Variants in MLIP observed in about 807,000 individuals in gnomAD.
MLIP encodes the protein muscular LMNA interacting protein.
In MLIP, 79 loss-of-function variants were observed where a neutral mutation model predicts 84.8. The observed-to-expected ratio is 0.93, with a 90% CI of 0.78 to 1.12. The LOEUF is 1.12. MLIP is among the 50% of genes most tolerant of loss of function. MLIP has a pLI of 0.00. For missense variants in MLIP, 1,257 were observed against 1,160.6 expected (o/e 1.08, Z -1.21); for synonymous variants, 504 against 463.0 (o/e 1.09, Z -1.14).
intron 11 of MLIP, among the ~76,000 whole-genome samples, chr6:54,224,019 A>G (rs1430575570): frequency 1.3e-5 from 2 of 152,042 alleles, no homozygotes; most frequent in Non-Finnish European, 2.9e-5. Context: ...AAATTTAAAA[A>G]CAAAAATAAA....
chr6:54,214,883 G>A (rs1019170720), intron 11 of MLIP, among the ~76,000 whole-genome samples: 1 of 152,132 alleles, frequency 6.6e-6, no homozygotes, highest in Non-Finnish European at 1.5e-5. Flanking sequence ...ATGCTGAATG[G>A]TGTTGCTACT....
At chr6:54,216,981 A>T (rs1779896015) in intron 11 of MLIP, 6 of 985,434 alleles carry the variant, frequency 6.1e-6, no homozygotes, top group Non-Finnish European at 6.0e-6. Context: ...TTAAATTAAA[A>T]CTGTAGCAAA....
intron 11 of MLIP, among the ~76,000 whole-genome samples, chr6:54,225,916 G>A (rs887026261): frequency 6.6e-6 from 1 of 152,158 alleles, no homozygotes; most frequent in Admixed American, 6.5e-5. Flanking sequence ...AGGAGACACA[G>A]CAATAAAATT....
At chr6:54,130,455 G>A (rs1390670632) in intron 3 of MLIP, among the ~76,000 whole-genome samples, 2 of 152,220 alleles carry the variant, frequency 1.3e-5, no homozygotes, top group East Asian at 1.9e-4. Context: ...ATAAGAGGGG[G>A]CAATTGCTGA....
chr6:54,120,644 T>C (rs938281693), intron 1 of MLIP, among the ~76,000 whole-genome samples: 50 of 152,194 alleles, frequency 3.3e-4, no homozygotes, highest in Non-Finnish European at 6.3e-4. Context: ...CTTGATACAC[T>C]CTCCACTGCT....
intron 1 of MLIP, among the ~76,000 whole-genome samples, chr6:54,083,810 A>C (rs1197874513): frequency 6.6e-6 from 1 of 152,182 alleles, no homozygotes; most frequent in Non-Finnish European, 1.5e-5. Flanking sequence ...TAGCATGCTC[A>C]ACTTTAGAAT....
At chr6:54,083,391 C>A in intron 1 of MLIP, 1 of 1,324,960 alleles carries the variant, frequency 7.5e-7, no homozygotes, top group Non-Finnish European at 1.0e-6. Context: ...TATTTCCAGT[C>A]CAGAGTTGTT....
In MLIP at chr6:54,208,212, A is replaced by G. The variant is rs529046603; in HGVS notation, c.2718+5979A>G. On this transcript the variant is annotated intron_variant, in intron 11 of 13. Coordinates refer to ENST00000502396, the MANE Select transcript of MLIP (RefSeq NM_001281747.2). ...AGGTATTAAACAACAACATTTCAAA[A>G]GAGAGAGAGGATATCTATGTAAAAA... is the stretch of plus-strand genomic sequence containing the variant. Among the ~76,000 whole-genome samples the G allele has an allele frequency of 1.6e-3, 250 of 152,368 alleles. 2 individuals carry two copies. Among genetic ancestry groups the G allele is most frequent in the African/African-American group, 5.7e-3 (239 of 41,594 alleles).
chr6:54,209,236 CCTTT>C (rs1193738380), intron 11 of MLIP, among the ~76,000 whole-genome samples: 6 of 152,130 alleles, frequency 3.9e-5, no homozygotes, highest in African/African-American at 1.4e-4. Context: ...ACCTTCTCTT[CCTTT>C]CTGTGACCCA....
intron 4 of MLIP, among the ~76,000 whole-genome samples, chr6:54,140,148 C>A (rs954423651): frequency 1.3e-5 from 2 of 152,104 alleles, no homozygotes; most frequent in African/African-American, 2.4e-5. Context: ...CATTAACTAT[C>A]ATTTTTTGAA....
chr6:54,238,717 G>A (rs902292902), intron 12 of MLIP, among the ~76,000 whole-genome samples: 4 of 152,152 alleles, frequency 2.6e-5, no homozygotes, highest in Non-Finnish European at 4.4e-5. Flanking sequence ...GAAAACTTGA[G>A]AGGTTTTACA....
chr6:54,028,645 T>C (rs2025660), intron 1 of MLIP, among the ~76,000 whole-genome samples: 38,544 of 152,170 alleles, frequency 0.25, 5,490 homozygotes, highest in East Asian at 0.57. Flanking sequence ...GTTGTGCCAC[T>C]TGCTTCTGCT....
intron 1 of MLIP, among the ~76,000 whole-genome samples, chr6:54,048,230 A>T (rs910721693): frequency 6.6e-6 from 1 of 152,168 alleles, no homozygotes; most frequent in African/African-American, 2.4e-5. Flanking sequence ...ATCAGGTTCT[A>T]CTTTGAGGCT....
intron 12 of MLIP, among the ~76,000 whole-genome samples, chr6:54,245,239 A>G (rs763903086): frequency 1.2e-4 from 19 of 152,140 alleles, no homozygotes; most frequent in Non-Finnish European, 2.5e-4. Context: ...TTATTGAGGG[A>G]GGGTTCTTCA....
intron 1 of MLIP, among the ~76,000 whole-genome samples, chr6:54,100,362 C>A (rs1033027176): frequency 6.6e-6 from 1 of 151,922 alleles, no homozygotes; most frequent in Non-Finnish European, 1.5e-5. Context: ...ATACAAAATA[C>A]CTTTATATAA....
At chr6:54,120,665 A>G (rs545453019) in intron 1 of MLIP, among the ~76,000 whole-genome samples, 3 of 152,158 alleles carry the variant, frequency 2.0e-5, no homozygotes, top group Non-Finnish European at 2.9e-5. Context: ...GCTACTTTCC[A>G]TGCTTTCACT....
At chr6:54,181,053 C>T (rs9464030) in intron 9 of MLIP, among the ~76,000 whole-genome samples, 14,020 of 152,130 alleles carry the variant, frequency 0.092, 821 homozygotes, top group East Asian at 0.21. Flanking sequence ...TCTCTCTGTA[C>T]TGAGCTGCCT....
intron 9 of MLIP, among the ~76,000 whole-genome samples, chr6:54,184,670 T>C (rs1415479693): frequency 6.6e-6 from 1 of 152,156 alleles, no homozygotes. Context: ...AGTTTCTATA[T>C]AACTTAATTA....
intron 8 of MLIP, among the ~76,000 whole-genome samples, chr6:54,165,456 G>A (rs1008558007): frequency 3.3e-5 from 5 of 151,800 alleles, no homozygotes; most frequent in Admixed American, 6.6e-5. Flanking sequence ...TGTCTTCATC[G>A]TTACCTCTTT....
Sources: gnomAD v4.1 joint callset for allele counts (sites outside exome capture counted in the v4.1 genomes callset) on GRCh38, gnomAD v4.1.1 for gene constraint, MANE v1.5 for transcripts, NCBI Gene and HGNC (gene_info 2026-07-23, HGNC 2026-07-21) for gene names.